Variants in DGKB observed in about 807,000 individuals in gnomAD.
DGKB encodes the protein 90 kDa diacylglycerol kinase.
DGKB carries 67 observed loss-of-function variants against 114.3 expected under a neutral mutation model. The observed-to-expected ratio is 0.59, with a 90% CI of 0.48 to 0.72. The LOEUF (loss-of-function observed/expected upper bound fraction) is 0.72. DGKB is among the 30% of genes least tolerant of loss of function. The pLI, the probability that DGKB is intolerant of heterozygous loss-of-function variation, is 0.00. For synonymous variants in DGKB, 398 were observed against 323.1 expected (o/e 1.23, Z -2.49); for missense variants, 907 against 975.2 (o/e 0.93, Z 0.93).
chr7:14,541,256 A>G (rs1180353039), intron 20 of DGKB, among the ~76,000 whole-genome samples: 3 of 152,230 alleles, frequency 2.0e-5, no homozygotes, highest in Admixed American at 6.5e-5. Context: ...ACTAATAAAA[A>G]TGAAAATAAA....
chr7:14,312,227 A>C lies in DGKB; in HGVS notation c.2122+26288T>G, dbSNP rs184006251. The stretch of plus-strand genomic sequence containing the variant: ...TGCAGTATAGAGACCTGAAACATTG[A>C]CACAGTATGTGGAACGCCACACTGG... On this transcript the variant is annotated intron_variant, in intron 23 of 25. Coordinates refer to ENST00000402815, the MANE Select transcript of DGKB (RefSeq NM_001350709.2). Among the ~76,000 whole-genome samples the C allele has an allele frequency of 3.3e-4, 50 of 152,338 alleles. No individual in the cohort carries two copies. In the East Asian group the frequency reaches 9.4e-3, roughly 29 times the overall value.
At chr7:14,326,580 G>C (rs1045230444) in intron 23 of DGKB, among the ~76,000 whole-genome samples, 5 of 152,118 alleles carry the variant, frequency 3.3e-5, no homozygotes, top group African/African-American at 1.2e-4. Flanking sequence ...ATAATATGTA[G>C]TGGAAGGAAA....
intron 23 of DGKB, among the ~76,000 whole-genome samples, chr7:14,207,708 T>G (rs570649089): frequency 3.3e-4 from 50 of 152,138 alleles, no homozygotes; most frequent in African/African-American, 1.2e-3. Flanking sequence ...CTGATAAATG[T>G]GTCAAAATAA....
At chr7:14,815,185 G>C (rs1405448826) in intron 2 of DGKB, 2 of 152,166 alleles carry the variant, frequency 1.3e-5, no homozygotes, top group African/African-American at 4.8e-5. Flanking sequence ...CTAACTGTGA[G>C]TGATGGCTGT....
At chr7:14,400,397 C>T (rs1822919455) in intron 21 of DGKB, among the ~76,000 whole-genome samples, 1 of 151,770 alleles carries the variant, frequency 6.6e-6, no homozygotes, top group East Asian at 1.9e-4. Context: ...CAAGTATATA[C>T]TCTGGCATTT....
At chr7:14,974,793 C>G (rs1587488807), upstream of DGKB, 1 of 152,202 alleles carries the variant, frequency 6.6e-6, no homozygotes, top group East Asian at 1.9e-4. Flanking sequence ...AGCAGAGGTT[C>G]TGTGTGTTAC....
intron 23 of DGKB, among the ~76,000 whole-genome samples, chr7:14,308,374 T>A (rs7780422): frequency 0.16 from 23,761 of 152,138 alleles, 2,197 homozygotes; most frequent in South Asian, 0.22. Context: ...GTGTTTTCTA[T>A]AATGATTATG....
In DGKB at chr7:14,737,769, A is replaced by G. The variant is rs1389117605; in HGVS notation, c.169-1575T>C. ...CAGTAAAAAGACTTCATTTTCTTCTATATTTCATAAATTACTACCACCACC... is the reference window on the plus strand; with the variant it reads ...CAGTAAAAAGACTTCATTTTCTTCTGTATTTCATAAATTACTACCACCACC... On this transcript the variant is annotated intron_variant, in intron 4 of 25. Transcript: ENST00000402815. Among the ~76,000 whole-genome samples the G allele has an allele frequency of 3.9e-5, 6 of 152,142 alleles. No individual in the cohort carries two copies. In the East Asian group the frequency reaches 9.7e-4, roughly 25 times the overall value.
intron 21 of DGKB, among the ~76,000 whole-genome samples, chr7:14,454,548 G>A (rs1012096017): frequency 3.9e-5 from 6 of 151,930 alleles, no homozygotes; most frequent in African/African-American, 1.2e-4. Context: ...TCTAAATTTT[G>A]TGCTCTTGTG....
chr7:14,295,877 C>A lies in DGKB; in HGVS notation c.2122+42638G>T, dbSNP rs143992329. Among the ~76,000 whole-genome samples, 9 of 152,024 alleles carry A rather than the reference C, an allele frequency of 5.9e-5. No individual in the cohort carries two copies. The East Asian group carries it at 1.6e-3, about 26-fold the overall frequency. On this transcript the variant is annotated intron_variant, in intron 23 of 25. Transcript: ENST00000402815. ...CCTAGCCCCCCAACCCAGACAGGCC[C>A]CAGTGTGTGTGATATTCCCCTCCCT...
chr7:14,941,099 A>G (rs1232543252), intron 1 of DGKB, among the ~76,000 whole-genome samples: 1 of 152,080 alleles, frequency 6.6e-6, no homozygotes, highest in African/African-American at 2.4e-5. Flanking sequence ...ATATTTTTTC[A>G]TAAAAATATA....
intron 1 of DGKB, among the ~76,000 whole-genome samples, chr7:14,918,330 T>C (rs930680133): frequency 6.6e-6 from 1 of 152,076 alleles, no homozygotes; most frequent in South Asian, 2.1e-4. Context: ...CATGTTTGTG[T>C]AAAAGTACAA....
At chr7:14,615,077 A>C (rs1448969750) in intron 15 of DGKB, among the ~76,000 whole-genome samples, 1 of 152,072 alleles carries the variant, frequency 6.6e-6, no homozygotes, top group African/African-American at 2.4e-5. Context: ...CCTATTACAA[A>C]TTGAAACTCC....
At chr7:14,574,040 GATA>G (rs1285909892) in intron 20 of DGKB, among the ~76,000 whole-genome samples, 169 bp downstream of exon 20, 2 of 152,082 alleles carry the variant, frequency 1.3e-5, no homozygotes, top group Non-Finnish European at 2.9e-5. Context: ...GGTAAGCGAT[GATA>G]ATAATGATAG....
At chr7:14,974,068 C>T (rs1440678257) in intron 1 of DGKB, among the ~76,000 whole-genome samples, 1 of 151,842 alleles carries the variant, frequency 6.6e-6, no homozygotes, top group African/African-American at 2.4e-5. Flanking sequence ...GGAAAATTGC[C>T]ATTTGTCAAC....
chr7:14,799,822 G>C (rs1027581917), intron 2 of DGKB, among the ~76,000 whole-genome samples: 3 of 152,216 alleles, frequency 2.0e-5, no homozygotes, highest in African/African-American at 7.2e-5. Flanking sequence ...AGCAGATTGG[G>C]ATGGTGTGAG....
At chr7:14,721,254 G>A (rs190431923) in intron 5 of DGKB, among the ~76,000 whole-genome samples, 302 of 152,312 alleles carry the variant, frequency 2.0e-3, no homozygotes, top group Middle Eastern at 6.8e-3. Flanking sequence ...AACTAAGGTA[G>A]ATGGTGTTTA....
intron 25 of DGKB, among the ~76,000 whole-genome samples, chr7:14,167,279 G>A (rs192331054): frequency 6.6e-6 from 1 of 151,910 alleles, no homozygotes; most frequent in African/African-American, 2.4e-5. Flanking sequence ...CATGGCAGTG[G>A]AAGGTAATTA....
intron 20 of DGKB, among the ~76,000 whole-genome samples, chr7:14,513,764 T>A (rs1788343131): frequency 6.6e-6 from 1 of 152,028 alleles, no homozygotes; most frequent in African/African-American, 2.4e-5. Context: ...GGATGTAGAA[T>A]AATGTTTAGT....
Sources: gnomAD v4.1 joint callset for allele counts (sites outside exome capture counted in the v4.1 genomes callset) on GRCh38, gnomAD v4.1.1 for gene constraint, MANE v1.5 for transcripts, NCBI Gene and HGNC (gene_info 2026-07-23, HGNC 2026-07-21) for gene names.